Variants in CPS1 observed in about 807,000 individuals in gnomAD.
CPS1 encodes carbamoyl-phosphate synthase 1.
CPS1 carries 109 observed loss-of-function variants against 174.6 expected under a neutral mutation model. The ratio of observed to expected loss-of-function variants is 0.62; its 90% CI spans 0.53 to 0.73. CPS1 has a LOEUF of 0.73. Among genes scored for constraint, CPS1 ranks in the 30% least tolerant of loss-of-function variants. The probability of loss-of-function intolerance (pLI) is 0.00; values close to 1 mark genes in which losing one functional copy is unlikely to be tolerated. For synonymous variants in CPS1, 637 were observed against 632.0 expected (o/e 1.01, Z -0.12); for missense variants, 1,689 against 1,821.9 (o/e 0.93, Z 1.33).
At chr2:210,669,037 C>T (rs1327238007) in intron 34 of CPS1, among the ~76,000 whole-genome samples, 3 of 152,082 alleles carry the variant, frequency 2.0e-5, no homozygotes, top group Non-Finnish European at 2.9e-5. Flanking sequence ...CTAATACAGT[C>T]AGTTTATTTC....
chr2:210,646,775 G>T (rs2371008), intron 25 of CPS1, among the ~76,000 whole-genome samples: 1 of 152,050 alleles, frequency 6.6e-6, no homozygotes, highest in African/African-American at 2.4e-5. Context: ...GTTCAGTCTT[G>T]TTGTCTATAA....
chr2:210,605,297 T>G (rs779630597), intron 17 of CPS1, 51 bp downstream of exon 17: 80 of 1,598,204 alleles, frequency 5.0e-5, no homozygotes, highest in Non-Finnish European at 6.8e-5. Flanking sequence ...TTCATGTCTT[T>G]GATGGCCAAG....
At chr2:210,608,987 T>C (rs1699020385) in intron 19 of CPS1, among the ~76,000 whole-genome samples, 1 of 151,956 alleles carries the variant, frequency 6.6e-6, no homozygotes, top group Non-Finnish European at 1.5e-5. Context: ...ATGCAAATTG[T>C]GGCTCTAACT....
chr2:210,636,101 C>T (rs1348630102), intron 21 of CPS1, among the ~76,000 whole-genome samples: 1 of 152,144 alleles, frequency 6.6e-6, no homozygotes, highest in East Asian at 1.9e-4. Flanking sequence ...TCTGGCAATA[C>T]ACTATTTTAA....
chr2:210,606,654 T>A, intron 17 of CPS1, 77 bp from the exon 18 acceptor site: 2 of 1,297,214 alleles, frequency 1.5e-6, no homozygotes, highest in Non-Finnish European at 2.2e-6. Flanking sequence ...TCTTGCATCG[T>A]GCAAGTAGAT....
At chr2:210,624,303 A>C (rs1366682896) in intron 21 of CPS1, among the ~76,000 whole-genome samples, 1 of 152,146 alleles carries the variant, frequency 6.6e-6, no homozygotes, top group East Asian at 1.9e-4. Context: ...CTGGTCAGTC[A>C]TGCAGCTAGC....
At chr2:210,549,950 G>A (rs1418008646) in intron 1 of CPS1, among the ~76,000 whole-genome samples, 9 of 151,896 alleles carry the variant, frequency 5.9e-5, no homozygotes, top group Admixed American at 5.9e-4. Context: ...CAGATTCCAT[G>A]GTTCTGGAAT....
At chr2:210,558,101 C>T (rs939915708) in intron 1 of CPS1, among the ~76,000 whole-genome samples, 4 of 151,830 alleles carry the variant, frequency 2.6e-5, no homozygotes, top group African/African-American at 9.7e-5. Context: ...CATATAGTAG[C>T]CTTAGTGGTG....
chr2:210,580,485 T>C (rs1409314378), intron 5 of CPS1, among the ~76,000 whole-genome samples: 1 of 152,070 alleles, frequency 6.6e-6, no homozygotes, highest in African/African-American at 2.4e-5. Context: ...TCACTAACGT[T>C]AACTAAATTC....
rs995280264 is a variant in CPS1 at position 210,540,490 on chromosome 2, CA to C, written c.4-16228del. On this transcript the variant is annotated intron_variant, in intron 1 of 38. Transcript: ENST00000430249. ...AAATGTAATTGCTGTAAGGTATGCA[CA>C]TTTTACATTTCACTGTATAATGACA... Among the ~76,000 whole-genome samples, 13 of 152,272 alleles carry C rather than the reference CA, an allele frequency of 8.5e-5. 1 individual carries two copies. The East Asian group carries it at 1.5e-3, about 18-fold the overall frequency.
At chr2:210,548,892 C>T (rs976188336) in intron 1 of CPS1, among the ~76,000 whole-genome samples, 2 of 152,000 alleles carry the variant, frequency 1.3e-5, no homozygotes, top group South Asian at 2.1e-4. Flanking sequence ...GTCCTATTTC[C>T]GATTTCCAGG....
intron 32 of CPS1, among the ~76,000 whole-genome samples, chr2:210,661,272 T>C (rs763564631): frequency 5.3e-5 from 8 of 152,202 alleles, no homozygotes; most frequent in Non-Finnish European, 8.8e-5. Flanking sequence ...GCCATTGTGA[T>C]CTCCTAGCTG....
chr2:210,649,558 A>G (rs569457286), intron 27 of CPS1, among the ~76,000 whole-genome samples: 2 of 152,336 alleles, frequency 1.3e-5, no homozygotes, highest in Admixed American at 1.3e-4. Flanking sequence ...TAATGTATAC[A>G]TAGATCAAAA....
At chr2:210,487,117 G>A (rs1037222996) in intron 1 of CPS1, among the ~76,000 whole-genome samples, 1 of 152,144 alleles carries the variant, frequency 6.6e-6, no homozygotes. Context: ...TGGAAATGAA[G>A]TATAACTCAA....
intron 6 of CPS1, among the ~76,000 whole-genome samples, chr2:210,584,614 C>T (rs545287030): frequency 6.6e-6 from 1 of 152,084 alleles, no homozygotes; most frequent in African/African-American, 2.4e-5. Context: ...TTTTTGAACA[C>T]TCAGTTAATT....
At chr2:210,501,541 C>T (rs1423236505) in intron 1 of CPS1, among the ~76,000 whole-genome samples, 1 of 152,142 alleles carries the variant, frequency 6.6e-6, no homozygotes, top group East Asian at 1.9e-4. Flanking sequence ...CCTAAATCAT[C>T]TCTCTCAAGT....
chr2:210,586,416 A>G (rs1292852830), intron 6 of CPS1, among the ~76,000 whole-genome samples: 1 of 152,066 alleles, frequency 6.6e-6, no homozygotes, highest in Non-Finnish European at 1.5e-5. Context: ...TTAGTTTGAA[A>G]CACAGCATGA....
intron 22 of CPS1, 57 bp downstream of exon 22, chr2:210,637,900 G>C (rs892625608): frequency 1.9e-6 from 3 of 1,587,344 alleles, no homozygotes; most frequent in Non-Finnish European, 2.6e-6. Flanking sequence ...GTGGTAAAAC[G>C]TAGGCACCCA....
chr2:210,594,411 C>G lies in CPS1; in HGVS notation c.1165-97C>G, dbSNP rs545609282. On this transcript the variant is annotated intron_variant, in intron 11 of 37. Coordinates refer to ENST00000233072, the MANE Select transcript of CPS1 (RefSeq NM_001875.5). ...ATGCTATAATAAAAATTATTTGTTGCTTATCTGAAGTTCAAATTTAACTGG... is the reference window on the plus strand; with the variant it reads ...ATGCTATAATAAAAATTATTTGTTGGTTATCTGAAGTTCAAATTTAACTGG... 9.1e-4 allele frequency: 730 copies of G among 799,030 alleles called. 2 individuals are homozygous for G. The highest frequency in any genetic ancestry group is 1.0e-3 in the Non-Finnish European group (491 of 482,168). The allele number at this position is 799,030 out of a possible 1,614,324, so 49.5% of individuals were successfully genotyped here.
Sources: allele counts gnomAD v4.1 joint callset (sites outside exome capture counted in the v4.1 genomes callset), GRCh38; gene constraint gnomAD v4.1.1; transcripts MANE v1.5; gene names NCBI Gene and HGNC (gene_info 2026-07-23, HGNC 2026-07-21).